The following CYP46A1 variants were observed in gnomAD, a reference collection of about 807,000 sequenced individuals.
CYP46A1 encodes the protein cholesterol 24-hydroxylase.
Under a neutral mutation model 63.3 loss-of-function variants are expected in CYP46A1, and 20 were observed. That is an observed-to-expected ratio of 0.32 (90% CI 0.22 to 0.46). The LOEUF is 0.46. Ranked by LOEUF, CYP46A1 falls within the 20% of genes least tolerant of loss-of-function variation. CYP46A1 has a pLI of 1.00. For missense variants in CYP46A1, 445 were observed against 670.8 expected, an observed-to-expected ratio of 0.66 and a Z score of 3.72; for synonymous variants, 268 against 273.6, an observed-to-expected ratio of 0.98 and a Z score of 0.20.
intron 4 of CYP46A1, among the ~76,000 whole-genome samples, chr14:99,699,748 G>A (rs1237118486): frequency 6.6e-6 from 1 of 152,204 alleles, no homozygotes; most frequent in African/African-American, 2.4e-5. Context: ...AGGGAATATA[G>A]AGGCCACTGA....
At chr14:99,687,986 T>TA (rs2056509515) in intron 1 of CYP46A1, among the ~76,000 whole-genome samples, 1 of 148,190 alleles carries the variant, frequency 6.7e-6, no homozygotes, top group African/African-American at 2.5e-5. Flanking sequence ...GGAATGGGTT[T>TA]TTTTTCCCCT....
At chr14:99,712,094 G>A (rs1009194889) in intron 7 of CYP46A1, 1 of 152,106 alleles carries the variant, frequency 6.6e-6, no homozygotes, top group African/African-American at 2.4e-5. Flanking sequence ...ACCACTTCAT[G>A]ATTAAAAACT....
In CYP46A1 at chr14:99,725,102, T is replaced by A. The variant is rs1291067212; in HGVS notation, c.1177-289T>A. Reference sequence around the variant, plus strand: ...ACTGAGCCTCTCTCTGGGTCTCAGTTTCCTCATCTGTAAAATGGGGACAAT... The same window carrying A: ...ACTGAGCCTCTCTCTGGGTCTCAGTATCCTCATCTGTAAAATGGGGACAAT... On this transcript the variant is annotated intron_variant, in intron 12 of 14. Transcript: ENST00000261835. This position sits in a 1 kb window ranked among gnomAD's most constrained non-coding sequence, Gnocchi z 4.2. Among the ~76,000 whole-genome samples the A allele has an allele frequency of 1.3e-5, 2 of 152,184 alleles. No homozygotes were observed. The highest frequency in any genetic ancestry group is 2.9e-5 in the Non-Finnish European group (2 of 68,028).
intron 10 of CYP46A1, 31 bp from the exon 11 acceptor site, chr14:99,721,208 G>A (rs1337757722): frequency 1.3e-6 from 2 of 1,568,104 alleles, no homozygotes; most frequent in Non-Finnish European, 1.8e-6. Context: ...GCTCCCTTTG[G>A]AGACGAACTT....
At chr14:99,726,469 A>C (rs1383566312) in intron 14 of CYP46A1, 88 bp from the exon 15 acceptor site, 2 of 1,346,412 alleles carry the variant, frequency 1.5e-6, no homozygotes, top group Non-Finnish European at 2.0e-6. Context: ...CTCCAGGAGG[A>C]GAGCCGGCTG....
intron 1 of CYP46A1, 105 bp downstream of exon 1, chr14:99,684,641 G>A: frequency 1.0e-6 from 1 of 983,264 alleles, no homozygotes; most frequent in Non-Finnish European, 1.5e-6. Context: ...CGCCTAGTGC[G>A]CGCGGCCGCT....
chr14:99,703,952 G>T, intron 5 of CYP46A1: 1 of 909,626 alleles, frequency 1.1e-6, no homozygotes, highest in Non-Finnish European at 1.3e-6. Context: ...AAGAGCCAGG[G>T]TTGCAAAGGC....
intron 12 of CYP46A1, among the ~76,000 whole-genome samples, chr14:99,724,227 C>T (rs1280603651): frequency 1.3e-5 from 2 of 152,020 alleles, no homozygotes; most frequent in African/African-American, 4.8e-5. Flanking sequence ...AGGACTCCAA[C>T]ATATGAGGAT....
At chr14:99,713,554 G>C (rs2056754776) in intron 7 of CYP46A1, 1 of 151,866 alleles carries the variant, frequency 6.6e-6, no homozygotes, top group Non-Finnish European at 1.5e-5. Flanking sequence ...TTATAGCTAA[G>C]ACTTCAAAAA....
rs545301567 is a variant in CYP46A1 at position 99,722,564 on chromosome 14, C to T, written c.1176+498C>T. 6.6e-6 allele frequency among the ~76,000 whole-genome samples: 1 copy of T among 152,026 alleles called. No individual in the cohort carries two copies. The highest frequency in any genetic ancestry group is 2.4e-5 in the African/African-American group (1 of 41,468). On this transcript the variant is annotated intron_variant, in intron 12 of 14. Transcript: ENST00000261835. This position sits in a 1 kb window ranked among gnomAD's most constrained non-coding sequence, Gnocchi z 4.6. ...GTATGATAGCCCCTAAACCCACCCC[C>T]AAACCAGGAAACTAGGATATAGTCA... is the stretch of plus-strand genomic sequence containing the variant.
At chr14:99,716,088 GA>G in intron 8 of CYP46A1, 48 bp from the exon 9 acceptor site, 1 of 1,612,996 alleles carries the variant, frequency 6.2e-7, no homozygotes, top group South Asian at 1.1e-5. Flanking sequence ...GAGCCATGGG[GA>G]AAGGGAGCAA....
intron 6 of CYP46A1, among the ~76,000 whole-genome samples, 177 bp downstream of exon 6, chr14:99,706,962 A>C (rs1297832655): frequency 6.6e-6 from 1 of 152,204 alleles, no homozygotes; most frequent in Non-Finnish European, 1.5e-5. Context: ...AAAGCAACCT[A>C]GTGTGAGATT....
chr14:99,696,488 A>T (rs2056588428), intron 3 of CYP46A1, among the ~76,000 whole-genome samples: 3 of 152,164 alleles, frequency 2.0e-5, no homozygotes, highest in African/African-American at 7.2e-5. Flanking sequence ...TCTTTAACTT[A>T]TATAAATATA....
At chr14:99,685,427 C>T (rs2056485604) in intron 1 of CYP46A1, among the ~76,000 whole-genome samples, 1 of 149,556 alleles carries the variant, frequency 6.7e-6, no homozygotes, top group South Asian at 2.2e-4. Context: ...GTGTAAAGAC[C>T]ACCCAGCCCC....
intron 11 of CYP46A1, 113 bp from the exon 12 acceptor site, chr14:99,721,843 G>A: frequency 1.3e-6 from 1 of 769,378 alleles, no homozygotes; most frequent in East Asian, 2.6e-5. Flanking sequence ...CAGGGTGAGG[G>A]TATGCACTCA....
intron 10 of CYP46A1, among the ~76,000 whole-genome samples, chr14:99,718,878 A>T (rs1332232540): frequency 6.6e-6 from 1 of 152,130 alleles, no homozygotes; most frequent in Non-Finnish European, 1.5e-5. Flanking sequence ...AAATTTTGGG[A>T]AAAGCAGAAA....
intron 7 of CYP46A1, chr14:99,710,536 T>C (rs1039779600): frequency 1.3e-5 from 2 of 152,126 alleles, no homozygotes; most frequent in African/African-American, 4.8e-5. Flanking sequence ...GCTATAATTA[T>C]ATCAAATAAA....
At chr14:99,689,385 T>C (rs566187708) in intron 1 of CYP46A1, among the ~76,000 whole-genome samples, 2 of 152,210 alleles carry the variant, frequency 1.3e-5, no homozygotes, top group Non-Finnish European at 2.9e-5. Flanking sequence ...AAGTTACCTC[T>C]TGGGGAAACA....
intron 1 of CYP46A1, among the ~76,000 whole-genome samples, chr14:99,690,269 T>G (rs185782332): frequency 1.3e-5 from 2 of 152,232 alleles, no homozygotes; most frequent in Admixed American, 1.3e-4. Flanking sequence ...TTCCACAAGC[T>G]TAGCGTTCCA....
Sources: gnomAD v4.1 joint callset for allele counts (sites outside exome capture counted in the v4.1 genomes callset) on GRCh38, gnomAD v4.1.1 for gene constraint, Gnocchi (gnomAD v3.1) non-coding constraint, MANE v1.5 for transcripts, NCBI Gene and HGNC (gene_info 2026-07-23, HGNC 2026-07-21) for gene names.